CCDC18: variants seen among roughly 807,000 people sequenced by gnomAD.
CCDC18 encodes the protein coiled-coil domain-containing protein 18.
A neutral mutation model predicts 196.0 loss-of-function variants in CCDC18; 157 were observed. The ratio of observed to expected loss-of-function variants is 0.80; its 90% CI spans 0.70 to 0.91. The LOEUF (loss-of-function observed/expected upper bound fraction) is 0.91, where lower values mean the gene tolerates loss of function less well. Among genes scored for constraint, CCDC18 ranks in the 40% least tolerant of loss-of-function variants. The probability of loss-of-function intolerance (pLI) is 0.00; values close to 1 mark genes in which losing one functional copy is unlikely to be tolerated. For synonymous variants in CCDC18, 482 were observed against 529.2 expected (o/e 0.91, Z 1.22); for missense variants, 1,465 against 1,611.6 (o/e 0.91, Z 1.56).
At chr1:93,266,684 G>A (rs577415503) in intron 27 of CCDC18, among the ~76,000 whole-genome samples, 12 of 152,190 alleles carry the variant, frequency 7.9e-5, no homozygotes, top group African/African-American at 2.6e-4. Flanking sequence ...AAATAAACTA[G>A]AAAACCTAGA....
At chr1:93,234,980 C>CT (rs1157777937) in intron 18 of CCDC18, among the ~76,000 whole-genome samples, 14 of 71,082 alleles carry the variant, frequency 2.0e-4, no homozygotes, top group East Asian at 8.6e-4. Context: ...TGTGGCTTTT[C>CT]TTTTTTTTTC....
chr1:93,267,542 C>G (rs1664693997), intron 27 of CCDC18, among the ~76,000 whole-genome samples: 1 of 152,146 alleles, frequency 6.6e-6, no homozygotes, highest in Non-Finnish European at 1.5e-5. Context: ...TTTAGAAAAC[C>G]CTATCATCTC....
chr1:93,195,367 T>C (rs991979641), intron 6 of CCDC18, among the ~76,000 whole-genome samples: 1 of 152,240 alleles, frequency 6.6e-6, no homozygotes, highest in Non-Finnish European at 1.5e-5. Flanking sequence ...AATGGCTTTG[T>C]GTGTTATACC....
intron 6 of CCDC18, among the ~76,000 whole-genome samples, chr1:93,200,334 T>TAAAAAAAAAA (rs34770788): frequency 7.1e-6 from 1 of 141,312 alleles, no homozygotes. Context: ...GGAGATTATT[T>TAAAAAAAAAA]AAAAAAAAAA....
intron 23 of CCDC18, among the ~76,000 whole-genome samples, chr1:93,251,038 C>A (rs1290248031): frequency 6.6e-6 from 1 of 152,132 alleles, no homozygotes; most frequent in South Asian, 2.1e-4. Flanking sequence ...TTCTTTCCCA[C>A]TTACTGTCTT....
At chr1:93,233,398 T>C (rs888862503) in intron 18 of CCDC18, among the ~76,000 whole-genome samples, 2 of 152,256 alleles carry the variant, frequency 1.3e-5, no homozygotes, top group African/African-American at 4.8e-5. Flanking sequence ...TTTTACATTC[T>C]TATTTTGTTT....
At chr1:93,199,293 A>G (rs562654904) in intron 6 of CCDC18, among the ~76,000 whole-genome samples, 1 of 152,374 alleles carries the variant, frequency 6.6e-6, no homozygotes, top group East Asian at 1.9e-4. Context: ...GGGTCCAGCC[A>G]CTATACATAG....
At chr1:93,201,496 C>T (rs1452322414) in intron 6 of CCDC18, among the ~76,000 whole-genome samples, 1 of 151,918 alleles carries the variant, frequency 6.6e-6, no homozygotes, top group Admixed American at 6.6e-5. Context: ...TTGCAAAGGT[C>T]ACAGAATTTA....
rs371460028 is a variant in CCDC18, at chr1:93,207,406, T to C, written c.1209+8T>C. 1.5e-5 allele frequency: 24 copies of C among 1,552,432 alleles called. No individual in the cohort carries two copies. The Admixed American group carries it at 2.0e-4, about 13-fold the overall frequency. On this transcript the variant is annotated splice_region_variant and intron_variant, in intron 9 of 28. Coordinates refer to ENST00000690025, the MANE Select transcript of CCDC18 (RefSeq NM_001378204.1). ...ATTATATCCCAGTTGCCAGTAAGTA[T>C]GTGTGATTACGTAATGGAAAAGAAG...
chr1:93,208,527 C>T (rs775069538), intron 9 of CCDC18, among the ~76,000 whole-genome samples: 2 of 152,006 alleles, frequency 1.3e-5, no homozygotes, highest in Admixed American at 6.6e-5. Flanking sequence ...GAACTCCTGA[C>T]CTCATGATCA....
At position 93,212,170 on chromosome 1, in the gene CCDC18, T is replaced by TCAGA; in HGVS notation, c.1405_1408dup (p.Ser470ThrfsTer7). 1 of 1,611,388 alleles carries TCAGA rather than the reference T, an allele frequency of 6.2e-7. No individual in the cohort carries two copies. The highest frequency in any genetic ancestry group is 8.5e-7 in the Non-Finnish European group (1 of 1,179,032). ...CAAACCTGACTGCAAATCAGTTATCTCAGAGTCTTATTACTTGTAATGACA... is the reference window on the plus strand; with the variant it reads ...CAAACCTGACTGCAAATCAGTTATCTCAGACAGAGTCTTATTACTTGTAATGACA... On this transcript the variant is annotated frameshift_variant, in exon 11 of 29. Transcript: ENST00000690025. LOFTEE classifies it high-confidence loss of function.
At chr1:93,233,668 A>G (rs797669) in intron 18 of CCDC18, among the ~76,000 whole-genome samples, 43,429 of 151,704 alleles carry the variant, frequency 0.29, 9,412 homozygotes, top group African/African-American at 0.61. Flanking sequence ...GCGCGATCTC[A>G]GCTCACTGCA....
intron 4 of CCDC18, among the ~76,000 whole-genome samples, chr1:93,188,471 C>G (rs1297812200): frequency 1.3e-5 from 2 of 152,194 alleles, no homozygotes; most frequent in Non-Finnish European, 2.9e-5. Context: ...CTTCCAGTTA[C>G]TTCCTTGCCT....
At position 93,239,721 on chromosome 1, in the gene CCDC18, GAACT is replaced by G. The variant is rs1660515341; in HGVS notation, c.2810_2813del (p.Leu937GlnfsTer21). The G allele has an allele frequency of 1.2e-6, 2 of 1,613,448 alleles. No homozygotes were observed. The highest frequency in any genetic ancestry group is 1.7e-5 in the Admixed American group (1 of 59,972). Reference sequence around the variant, plus strand: ...AAAGTTACAGCACAGTACTGAAACTGAACTAACAGAAGCCTTGCAAAAACGGGAA... The same window carrying G: ...AAAGTTACAGCACAGTACTGAAACTGAACAGAAGCCTTGCAAAAACGGGAA... On this transcript the variant is annotated frameshift_variant, in exon 21 of 29. Transcript: ENST00000690025. LOFTEE classifies it high-confidence loss of function.
intron 27 of CCDC18, 23 bp from the exon 28 acceptor site, chr1:93,270,324 A>T: frequency 7.2e-7 from 1 of 1,390,634 alleles, no homozygotes; most frequent in Non-Finnish European, 9.9e-7. Flanking sequence ...TTGAGCACCT[A>T]CTATGTACCA....
intron 19 of CCDC18, 112 bp downstream of exon 19, chr1:93,236,502 T>A: frequency 1.0e-6 from 1 of 974,900 alleles, no homozygotes; most frequent in Non-Finnish European, 1.5e-6. Flanking sequence ...AATGTCTCCA[T>A]AGTCTGTGTT....
In CCDC18 at chr1:93,191,271, T is replaced by G. The variant is rs183743702; in HGVS notation, c.463-729T>G. Among the ~76,000 whole-genome samples the G allele has an allele frequency of 6.6e-5, 10 of 152,298 alleles. No homozygotes were observed. In the East Asian group the frequency reaches 1.7e-3, roughly 26 times the overall value. ...TCTTAGTGTCTCACAGTCTCAAGCT[T>G]CTTCTGTTCAGTTTCTTCTGATAAT... On this transcript the variant is annotated intron_variant, in intron 4 of 28. Transcript: ENST00000690025.
intron 23 of CCDC18, among the ~76,000 whole-genome samples, chr1:93,249,137 T>G (rs1661903391): frequency 6.6e-6 from 1 of 152,190 alleles, no homozygotes; most frequent in Non-Finnish European, 1.5e-5. Flanking sequence ...TGCTTTTATC[T>G]CATTACTTGT....
intron 23 of CCDC18, among the ~76,000 whole-genome samples, chr1:93,249,228 C>A (rs1209687584): frequency 6.6e-6 from 1 of 152,098 alleles, no homozygotes; most frequent in Non-Finnish European, 1.5e-5. Context: ...TCCATTTCTT[C>A]TAGTTTTTCC....
Sources: gnomAD v4.1 joint callset for allele counts (sites outside exome capture counted in the v4.1 genomes callset) on GRCh38, gnomAD v4.1.1 for gene constraint, MANE v1.5 for transcripts, NCBI Gene and HGNC (gene_info 2026-07-23, HGNC 2026-07-21) for gene names.